Variants in RUBCNL observed in about 807,000 individuals in gnomAD.
RUBCNL encodes the protein protein associated with UVRAG as autophagy enhancer.
Under a neutral mutation model 69.5 loss-of-function variants are expected in RUBCNL, and 62 were observed. The ratio of observed to expected loss-of-function variants is 0.89; its 90% CI spans 0.73 to 1.10. The LOEUF (loss-of-function observed/expected upper bound fraction) is 1.10. Ranked by LOEUF, RUBCNL falls within the 50% of genes least tolerant of loss-of-function variation. RUBCNL has a pLI of 0.00. For synonymous variants in RUBCNL, 291 were observed against 303.6 expected (o/e 0.96, Z 0.43); for missense variants, 768 against 798.1 (o/e 0.96, Z 0.45).
Position 46,368,237 on chromosome 13 carries a change from A to G in RUBCNL, c.631T>C (p.Phe211Leu), listed in dbSNP as rs1350576726. Reference protein sequence around the residue: ...PVDVEKENAHFYVADMIISAM... With the variant: ...PVDVEKENAHLYVADMIISAM... The stretch of plus-strand genomic sequence containing the variant: ...GATATAATCATATCTGCAACATAAA[A>G]GTGGGCATTTTCCTGCAGAAAAAGA... The change falls in exon 5 of 15, where the codon TTT (phenylalanine) becomes CTT (leucine). Residue 211 changes from phenylalanine to leucine, a missense_variant. Phe to Leu is a conservative substitution (Grantham distance 22). Coordinates refer to ENST00000429979, the MANE Select transcript of RUBCNL (RefSeq NM_025113.5). 1 of 1,613,224 alleles carries G rather than the reference A, an allele frequency of 6.2e-7. No individual in the cohort carries two copies. Among genetic ancestry groups the G allele is most frequent in the East Asian group, 2.2e-5 (1 of 44,870 alleles).
At position 46,359,575 on chromosome 13, in the gene RUBCNL, C is replaced by T. The variant is rs764621662; in HGVS notation, c.1176G>A (p.Gln392=). ...TGATCCTAGACTTAAATTTAATTTC[C>T]TGTACTACATTCATACTGGATTCAA... ...KDFESSMNVV[Q]EIKFKSRIRG... Residue 392 remains glutamine (Q), a synonymous_variant, in exon 9 of 15, where the codon CAG becomes CAA. Coordinates refer to ENST00000429979, the MANE Select transcript of RUBCNL (RefSeq NM_025113.5). 107 of 1,592,310 alleles carry T rather than the reference C, an allele frequency of 6.7e-5. No homozygotes were observed. Among genetic ancestry groups the T allele is most frequent in the Non-Finnish European group, 8.8e-5 (103 of 1,168,580 alleles).
At chr13:46,363,287 T>C in intron 5 of RUBCNL, 74 bp from the exon 6 acceptor site, 1 of 629,880 alleles carries the variant, frequency 1.6e-6, no homozygotes, top group South Asian at 2.7e-5. Flanking sequence ...AACACCCAAC[T>C]AAATAGAAAT....
At position 46,356,399 on chromosome 13, in the gene RUBCNL, A is replaced by G. The variant is rs538087896; in HGVS notation, c.1330+33T>C. The G allele has an allele frequency of 3.7e-6, 6 of 1,609,042 alleles. No individual in the cohort carries two copies. In the African/African-American group the frequency reaches 5.3e-5, roughly 14 times the overall value. On this transcript the variant is annotated intron_variant, in intron 10 of 14. Transcript: ENST00000429979. ...TTGCTATTCTGGACCTTGTCATCAC[A>G]TCATAAGCAGGCGATCCATTATCCG... is the stretch of plus-strand genomic sequence containing the variant.
chr13:46,336,619 C>A lies in RUBCNL; in HGVS notation c.*6766G>T, dbSNP rs1162045985. Among the ~76,000 whole-genome samples, 1 of 151,946 alleles carries A rather than the reference C, an allele frequency of 6.6e-6. No homozygotes were observed. Among genetic ancestry groups the A allele is most frequent in the East Asian group, 1.9e-4 (1 of 5,174 alleles). ...GTATTCTCTTTTGTTAAGAAGAATG[C>A]AAGCAACTGTGGTAGAGAGGTAGGT... On this transcript the variant is annotated 3_prime_UTR_variant, in exon 15 of 15. Transcript: ENST00000429979.
rs770046113 is a variant in RUBCNL, at chr13:46,372,065, G to A, written c.411C>T (p.Val137=). 6.2e-7 allele frequency: 1 copy of A among 1,613,978 alleles called. No individual in the cohort carries two copies. Among genetic ancestry groups the A allele is most frequent in the Admixed American group, 1.7e-5 (1 of 60,030 alleles). The part of the protein sequence containing the change: ...FSLSSTEVHM[V]RPGYSHRVSL... Reference sequence around the variant, plus strand: ...ACACCCGATGAGAGTATCCTGGGCGGACCATGTGTACCTCTGTTGAGGACA... The same window carrying A: ...ACACCCGATGAGAGTATCCTGGGCGAACCATGTGTACCTCTGTTGAGGACA... Residue 137 remains valine (V), a synonymous_variant, in exon 3 of 15, where the codon GTC becomes GTT. Transcript: ENST00000429979.
chr13:46,366,981 A>G (rs1038650620), intron 5 of RUBCNL, among the ~76,000 whole-genome samples: 1 of 152,216 alleles, frequency 6.6e-6, no homozygotes, highest in African/African-American at 2.4e-5. Context: ...TCAGGAGATA[A>G]TAGCTGAGAA....
At chr13:46,353,261 A>G (rs1252994254) in intron 10 of RUBCNL, among the ~76,000 whole-genome samples, 1 of 152,212 alleles carries the variant, frequency 6.6e-6, no homozygotes, top group Non-Finnish European at 1.5e-5. Context: ...TGTTCTCTAG[A>G]GTCGCCATGA....
At position 46,339,000 on chromosome 13, in the gene RUBCNL, C is replaced by G. The variant is rs942782216; in HGVS notation, c.*4385G>C. Among the ~76,000 whole-genome samples the G allele has an allele frequency of 6.6e-6, 1 of 150,760 alleles. No homozygotes were observed. The highest frequency in any genetic ancestry group is 1.5e-5 in the Non-Finnish European group (1 of 67,896). ...AGCAGAGGCTGCAGTGAACTGAGAT[C>G]ACGCCAACTGCACTCCAGCCTGGGC... On this transcript the variant is annotated 3_prime_UTR_variant, in exon 15 of 15. Transcript: ENST00000429979.
At chr13:46,353,640 A>AC (rs1195938275) in intron 10 of RUBCNL, among the ~76,000 whole-genome samples, 6 of 152,024 alleles carry the variant, frequency 3.9e-5, no homozygotes, top group African/African-American at 1.5e-4. Flanking sequence ...AGTGCACAGG[A>AC]CCCCCCACGA....
At position 46,367,960 on chromosome 13, in the gene RUBCNL, T is replaced by G. The variant is rs1233877663; in HGVS notation, c.826+82A>C. ...CTTCCACTGGGAGTCTTGGAATATATGCCCCGTGGATAAGGGGTAATTATA... is the reference window on the plus strand; with the variant it reads ...CTTCCACTGGGAGTCTTGGAATATAGGCCCCGTGGATAAGGGGTAATTATA... On this transcript the variant is annotated intron_variant, in intron 5 of 14. Coordinates refer to ENST00000429979, the MANE Select transcript of RUBCNL (RefSeq NM_025113.5). 3.1e-6 allele frequency: 4 copies of G among 1,295,078 alleles called. No homozygotes were observed. The African/African-American group carries it at 5.8e-5, about 19-fold the overall frequency. 80.2% of individuals were successfully genotyped at this position (1,295,078 alleles called of 1,614,324 possible). A position where few individuals can be genotyped will look rare whatever the true frequency, so the allele number is the denominator to read the frequency against.
At chr13:46,385,738 A>G (rs1442492024) in intron 1 of RUBCNL, among the ~76,000 whole-genome samples, 1 of 151,408 alleles carries the variant, frequency 6.6e-6, no homozygotes, top group Admixed American at 6.6e-5. Flanking sequence ...TGTTCCTTGT[A>G]TCAAAAAACA....
Position 46,372,159 on chromosome 13 carries a change from TCA to T in RUBCNL, c.315_316del (p.Glu106GlyfsTer16). ...GCTGCCAACGGAGTCTGTGGTATCC[TCA>T]GACAACGTTGTCTCTGCCAGGGAGT... On this transcript the variant is annotated frameshift_variant, in exon 3 of 15. Transcript: ENST00000429979. LOFTEE classifies it high-confidence loss of function. 6.2e-7 allele frequency: 1 copy of T among 1,613,952 alleles called. No homozygotes were observed. The highest frequency in any genetic ancestry group is 1.1e-5 in the South Asian group (1 of 91,080).
At chr13:46,355,054 C>A (rs1217534323) in intron 10 of RUBCNL, among the ~76,000 whole-genome samples, 1 of 152,240 alleles carries the variant, frequency 6.6e-6, no homozygotes, top group East Asian at 1.9e-4. Context: ...CAGGCATTAT[C>A]ATCCAGTGTA....
chr13:46,386,079 C>A (rs550513888), intron 1 of RUBCNL, among the ~76,000 whole-genome samples: 9 of 152,246 alleles, frequency 5.9e-5, no homozygotes, highest in Admixed American at 2.6e-4. Context: ...AAAGTTCTGT[C>A]GGCGGCCGGC....
Position 46,335,646 on chromosome 13 carries a change from G to A in RUBCNL, c.*7739C>T, listed in dbSNP as rs1165597056. Among the ~76,000 whole-genome samples the A allele has an allele frequency of 6.6e-6, 1 of 152,184 alleles. No homozygotes were observed. The highest frequency in any genetic ancestry group is 2.4e-5 in the African/African-American group (1 of 41,442). ...CTAATAGAAGTTCAGGAGAGAGATG[G>A]TGGCTTGTACTGTAATAATGTCAGT... On this transcript the variant is annotated 3_prime_UTR_variant, in exon 15 of 15. Transcript: ENST00000429979.
At chr13:46,372,642 G>T in intron 2 of RUBCNL, 45 bp from the exon 3 acceptor site, 1 of 1,417,556 alleles carries the variant, frequency 7.1e-7, no homozygotes, top group Non-Finnish European at 9.2e-7. Flanking sequence ...GAATTCAATT[G>T]TATTTTGGCT....
rs2138653998 is a variant in RUBCNL at position 46,340,037 on chromosome 13, T to C, written c.*3348A>G. ...GGCTTCTGGGGGCTGCCAGCAATTCTTGGTGCTCCTTGGCTTGTAGATGCA... is the reference window on the plus strand; with the variant it reads ...GGCTTCTGGGGGCTGCCAGCAATTCCTGGTGCTCCTTGGCTTGTAGATGCA... On this transcript the variant is annotated 3_prime_UTR_variant, in exon 15 of 15. Coordinates refer to ENST00000429979, the MANE Select transcript of RUBCNL (RefSeq NM_025113.5). Among the ~76,000 whole-genome samples, 1 of 152,102 alleles carries C rather than the reference T, an allele frequency of 6.6e-6. No homozygotes were observed. Among genetic ancestry groups the C allele is most frequent in the East Asian group, 1.9e-4 (1 of 5,172 alleles).
At chr13:46,346,830 T>C (rs1412288912) in intron 12 of RUBCNL, among the ~76,000 whole-genome samples, 4 of 152,236 alleles carry the variant, frequency 2.6e-5, no homozygotes, top group African/African-American at 7.2e-5. Flanking sequence ...TAAACAATCT[T>C]AACTTCCTTG....
chr13:46,356,684 G>A (rs1378801774), intron 9 of RUBCNL, among the ~76,000 whole-genome samples, 188 bp from the exon 10 acceptor site: 1 of 151,940 alleles, frequency 6.6e-6, no homozygotes, highest in African/African-American at 2.4e-5. Context: ...GTCTTTTAAA[G>A]CTATGACTAA....
Sources: gnomAD v4.1 joint callset for allele counts (sites outside exome capture counted in the v4.1 genomes callset) on GRCh38, gnomAD v4.1.1 for gene constraint, MANE v1.5 for transcripts, NCBI Gene and HGNC (gene_info 2026-07-23, HGNC 2026-07-21) for gene names.